Variants in PTPRN2 observed in about 807,000 individuals in gnomAD.
PTPRN2 encodes protein tyrosine phosphatase receptor type N2, also known as receptor-type tyrosine-protein phosphatase N2.
In PTPRN2, 74 loss-of-function variants were observed where a neutral mutation model predicts 118.8. The ratio of observed to expected loss-of-function variants is 0.62; its 90% CI spans 0.52 to 0.76. PTPRN2 has a LOEUF of 0.76. Ranked by LOEUF, PTPRN2 falls within the 30% of genes least tolerant of loss-of-function variation. The probability of loss-of-function intolerance (pLI) is 0.00; values close to 1 mark genes in which losing one functional copy is unlikely to be tolerated. For synonymous variants in PTPRN2, 641 were observed against 608.0 expected, an observed-to-expected ratio of 1.05 and a Z score of -0.80; for missense variants, 1,481 against 1,394.4, an observed-to-expected ratio of 1.06 and a Z score of -0.99.
intron 2 of PTPRN2, among the ~76,000 whole-genome samples, chr7:158,382,087 C>T (rs1811005102): frequency 1.3e-5 from 2 of 152,212 alleles, no homozygotes; most frequent in Admixed American, 6.5e-5. Flanking sequence ...CATTGTCTCA[C>T]CAGAGCACCC....
chr7:157,631,493 T>C (rs573801045), intron 14 of PTPRN2, among the ~76,000 whole-genome samples: 1 of 152,282 alleles, frequency 6.6e-6, no homozygotes, highest in South Asian at 2.1e-4. Flanking sequence ...GGTCAGGAGA[T>C]CGAGACCATC....
intron 12 of PTPRN2, among the ~76,000 whole-genome samples, chr7:157,718,755 C>A (rs1317259393): frequency 1.3e-5 from 2 of 152,042 alleles, no homozygotes; most frequent in African/African-American, 2.4e-5. Context: ...CTCTCCATGG[C>A]CCCGGGGTGA....
chr7:158,316,233 C>A (rs896647627), intron 3 of PTPRN2, among the ~76,000 whole-genome samples: 6 of 152,272 alleles, frequency 3.9e-5, no homozygotes, highest in Non-Finnish European at 7.4e-5. Flanking sequence ...CCAGAACTAC[C>A]CTCCGTGGAG....
chr7:157,996,477 CCAGT>C (rs1804751728), intron 11 of PTPRN2, among the ~76,000 whole-genome samples: 1 of 152,222 alleles, frequency 6.6e-6, no homozygotes, highest in African/African-American at 2.4e-5. Context: ...TGCTTTCCTG[CCAGT>C]CAGTGCCAGG....
At chr7:158,497,456 C>T (rs1822035505) in intron 1 of PTPRN2, among the ~76,000 whole-genome samples, 1 of 151,936 alleles carries the variant, frequency 6.6e-6, no homozygotes, top group Non-Finnish European at 1.5e-5. Context: ...CCTTCCTTGC[C>T]TTGGCCACAC....
At chr7:158,150,251 T>C (rs549512062) in intron 6 of PTPRN2, among the ~76,000 whole-genome samples, 1 of 152,324 alleles carries the variant, frequency 6.6e-6, no homozygotes, top group South Asian at 2.1e-4. Context: ...GATGTATTCA[T>C]GAGAGATTTT....
At chr7:158,165,033 T>C (rs1269352952) in intron 6 of PTPRN2, among the ~76,000 whole-genome samples, 1 of 151,326 alleles carries the variant, frequency 6.6e-6, no homozygotes, top group Non-Finnish European at 1.5e-5. Flanking sequence ...AGACCCCCGA[T>C]GGTGTCTAGT....
Position 157,780,948 on chromosome 7 carries a change from C to T in PTPRN2, c.1789-98011G>A, listed in dbSNP as rs963211666. On this transcript the variant is annotated intron_variant, in intron 12 of 22. Transcript: ENST00000389418. The surrounding 1 kb of genome is among the most constrained non-coding windows in gnomAD (Gnocchi z 4.5). ...CCCCCACCGAGGCAGTGGGCAGCCC[C>T]TGAGCCAGGCAGCTCCAGGCCAAAC... Among the ~76,000 whole-genome samples the T allele has an allele frequency of 1.3e-5, 2 of 152,228 alleles. No homozygotes were observed. The highest frequency in any genetic ancestry group is 4.8e-5 in the African/African-American group (2 of 41,464).
chr7:158,100,657 G>T (rs982523166), intron 10 of PTPRN2, among the ~76,000 whole-genome samples: 1 of 152,186 alleles, frequency 6.6e-6, no homozygotes, highest in African/African-American at 2.4e-5. Context: ...CATTAGTGAT[G>T]TTGGGCATTT....
chr7:157,984,250 TCCCCACGCCAGGCTCCACC>T (rs749228452), intron 11 of PTPRN2, among the ~76,000 whole-genome samples: 31,493 of 54,712 alleles, frequency 0.58, 10,844 homozygotes, highest in East Asian at 0.62. Flanking sequence ...AGGCTCCACC[TCCCCACGCCAGGCTCCACC>T]CCCCACGCCA....
In PTPRN2 at chr7:158,587,256, C is replaced by A. The variant is rs1383231083; in HGVS notation, c.112+302G>T. On this transcript the variant is annotated intron_variant, in intron 1 of 22. Coordinates refer to ENST00000389418, the MANE Select transcript of PTPRN2 (RefSeq NM_002847.5). ...TCATTGAGGCGCCCCTCCCCCCACG[C>A]CCCCCTCTCATTCATTGAGGCGTCC... 1.2e-4 allele frequency among the ~76,000 whole-genome samples: 14 copies of A among 119,404 alleles called. No individual in the cohort carries two copies. The South Asian group carries it at 3.7e-3, about 31-fold the overall frequency. The allele number at this position is 119,404 out of a possible 152,430, so 78.3% of individuals were successfully genotyped here. A position where few individuals can be genotyped will look rare whatever the true frequency, so the allele number is the denominator to read the frequency against.
At chr7:157,984,980 G>C (rs1803662742) in intron 11 of PTPRN2, among the ~76,000 whole-genome samples, 1 of 152,126 alleles carries the variant, frequency 6.6e-6, no homozygotes, top group Non-Finnish European at 1.5e-5. Context: ...CCCTGGCTGA[G>C]CGCCCACACT....
chr7:158,165,845 C>T (rs1307111275), intron 6 of PTPRN2, among the ~76,000 whole-genome samples: 3 of 152,164 alleles, frequency 2.0e-5, no homozygotes, highest in Non-Finnish European at 2.9e-5. Context: ...CCCGCCCTGA[C>T]GTGGCTTAAC....
chr7:157,726,092 C>T (rs71544504), intron 12 of PTPRN2, among the ~76,000 whole-genome samples: 2 of 106,698 alleles, frequency 1.9e-5, no homozygotes, highest in African/African-American at 8.2e-5. Flanking sequence ...GTGGCCAGAC[C>T]CTCACCTCCC....
rs951902346 is a variant in PTPRN2 at position 157,833,998 on chromosome 7, C to T, written c.1788+64675G>A. 2.2e-4 allele frequency among the ~76,000 whole-genome samples: 34 copies of T among 152,212 alleles called. 1 individual carries two copies. The highest frequency in any genetic ancestry group is 4.1e-4 in the African/African-American group (17 of 41,452). On this transcript the variant is annotated intron_variant, in intron 12 of 22. Coordinates refer to ENST00000389418, the MANE Select transcript of PTPRN2 (RefSeq NM_002847.5). ...ACCTGGTGCCGAAAGAAGGAGCTGG[C>T]GGATTTCTCCTCTGCCAACGTCCTT... is the stretch of plus-strand genomic sequence containing the variant.
intron 2 of PTPRN2, among the ~76,000 whole-genome samples, chr7:158,398,087 T>C (rs1812667970): frequency 6.6e-6 from 1 of 152,218 alleles, no homozygotes; most frequent in South Asian, 2.1e-4. Context: ...ACACATTCCA[T>C]GGTCCTGAGG....
At chr7:157,557,083 C>G (rs927872800) in intron 21 of PTPRN2, among the ~76,000 whole-genome samples, 2 of 151,782 alleles carry the variant, frequency 1.3e-5, no homozygotes, top group Non-Finnish European at 2.9e-5. Flanking sequence ...CATACACACA[C>G]ACACACAGAT....
At chr7:158,171,193 C>CATAT (rs1185342868) in intron 5 of PTPRN2, among the ~76,000 whole-genome samples, 1 of 112,730 alleles carries the variant, frequency 8.9e-6, no homozygotes, top group Non-Finnish European at 1.9e-5. Context: ...TACACACATA[C>CATAT]ATATATATAC....
chr7:158,271,037 ACCTGGGCCTCCCCCCAACCTGGGCCAC>A, intron 3 of PTPRN2, among the ~76,000 whole-genome samples: 1 of 63,502 alleles, frequency 1.6e-5, no homozygotes, highest in Non-Finnish European at 3.0e-5. Flanking sequence ...GGCCCCCTCC[ACCTGGGCCTCCCCCCAACCTGGGCCAC>A]CCCCTCCACC....
Sources: gnomAD v4.1 joint callset for allele counts (sites outside exome capture counted in the v4.1 genomes callset) on GRCh38, gnomAD v4.1.1 for gene constraint, Gnocchi (gnomAD v3.1) non-coding constraint, MANE v1.5 for transcripts, NCBI Gene and HGNC (gene_info 2026-07-23, HGNC 2026-07-21) for gene names.